The following LRRC4C variants were observed in gnomAD, a reference collection of about 807,000 sequenced individuals.
LRRC4C encodes the protein leucine rich repeat containing 4C.
In LRRC4C, 5 loss-of-function variants were observed where a neutral mutation model predicts 33.6. The ratio of observed to expected loss-of-function variants is 0.15; its 90% CI spans 0.08 to 0.31. The LOEUF (loss-of-function observed/expected upper bound fraction) is 0.31. LRRC4C is among the 10% of genes least tolerant of loss of function. The pLI is 1.00. For missense variants in LRRC4C, 560 were observed against 796.7 expected (o/e 0.70, Z 3.58); for synonymous variants, 329 against 302.0 (o/e 1.09, Z -0.93).
chr11:41,269,594 A>C (rs1343724739), intron 1 of LRRC4C, among the ~76,000 whole-genome samples: 2 of 152,090 alleles, frequency 1.3e-5, no homozygotes, highest in East Asian at 3.9e-4. Flanking sequence ...GTACATGAAG[A>C]GGGAAGATGA....
At chr11:40,853,459 A>G (rs960903180) in intron 2 of LRRC4C, among the ~76,000 whole-genome samples, 6 of 148,968 alleles carry the variant, frequency 4.0e-5, no homozygotes, top group African/African-American at 1.5e-4. Context: ...TTAACTATAA[A>G]TGTATATAAA....
At chr11:40,616,747 C>A (rs1961879851) in intron 3 of LRRC4C, among the ~76,000 whole-genome samples, 1 of 151,748 alleles carries the variant, frequency 6.6e-6, no homozygotes, top group Admixed American at 6.6e-5. Flanking sequence ...ACATCATAAA[C>A]CAGGTCCTGT....
rs140604004 is a variant in LRRC4C, at chr11:40,575,046, G to C, written c.-270+73096C>G. On this transcript the variant is annotated intron_variant, in intron 3 of 6. Transcript: ENST00000528697. ...TCACAGTCAAAGGAGAGCCTCAGCAGGTTCACCCAAAAGATGAGCTCATGC... is the reference window on the plus strand; with the variant it reads ...TCACAGTCAAAGGAGAGCCTCAGCACGTTCACCCAAAAGATGAGCTCATGC... Among the ~76,000 whole-genome samples, 182 of 152,270 alleles carry C rather than the reference G, an allele frequency of 1.2e-3. 2 individuals carry two copies. The highest frequency in any genetic ancestry group is 1.9e-3 in the Non-Finnish European group (132 of 68,024).
At chr11:41,099,345 G>A (rs1368147482) in intron 1 of LRRC4C, among the ~76,000 whole-genome samples, 4 of 149,730 alleles carry the variant, frequency 2.7e-5, no homozygotes, top group Non-Finnish European at 5.9e-5. Flanking sequence ...TACGAGGCCA[G>A]CATCATCCTG....
intron 2 of LRRC4C, among the ~76,000 whole-genome samples, chr11:40,874,463 C>T (rs1182796302): frequency 6.6e-6 from 1 of 152,104 alleles, no homozygotes; most frequent in East Asian, 1.9e-4. Context: ...GCACATATGT[C>T]CTACTTTGGA....
chr11:40,701,749 A>G (rs1220044474), intron 2 of LRRC4C, among the ~76,000 whole-genome samples: 1 of 151,694 alleles, frequency 6.6e-6, no homozygotes, highest in Non-Finnish European at 1.5e-5. Flanking sequence ...AAAATTATCC[A>G]GTATTACAAA....
chr11:40,576,636 C>T (rs532301115), intron 3 of LRRC4C, among the ~76,000 whole-genome samples: 2 of 152,130 alleles, frequency 1.3e-5, no homozygotes, highest in South Asian at 4.2e-4. Context: ...TTATAACAAT[C>T]CCCCTCCATC....
chr11:40,936,672 G>A (rs969973), intron 1 of LRRC4C, among the ~76,000 whole-genome samples: 43,267 of 151,826 alleles, frequency 0.28, 6,262 homozygotes, highest in East Asian at 0.35. Context: ...CATACATCAG[G>A]CACTACATTA....
chr11:40,532,305 G>A (rs577434809), intron 3 of LRRC4C, among the ~76,000 whole-genome samples: 2 of 151,916 alleles, frequency 1.3e-5, no homozygotes, highest in African/African-American at 4.8e-5. Context: ...GAGTAAAATG[G>A]ATCACATGGA....
chr11:40,373,284 T>G (rs1293764870), intron 3 of LRRC4C, among the ~76,000 whole-genome samples: 1 of 152,074 alleles, frequency 6.6e-6, no homozygotes, highest in African/African-American at 2.4e-5. Context: ...ACCCAACAGG[T>G]ACAAGAAACA....
intron 2 of LRRC4C, among the ~76,000 whole-genome samples, chr11:40,899,643 A>G (rs947684096): frequency 1.3e-5 from 2 of 152,162 alleles, no homozygotes; most frequent in African/African-American, 2.4e-5. Context: ...GGAGAGCTTT[A>G]TGTTACAGAG....
At chr11:41,190,435 A>ACATCTCT (rs1945890904) in intron 1 of LRRC4C, among the ~76,000 whole-genome samples, 1 of 152,138 alleles carries the variant, frequency 6.6e-6, no homozygotes, top group East Asian at 1.9e-4. Context: ...TGGATAGAAA[A>ACATCTCT]CATCTCTCGG....
At chr11:41,176,524 A>T (rs573062434) in intron 1 of LRRC4C, among the ~76,000 whole-genome samples, 5 of 152,142 alleles carry the variant, frequency 3.3e-5, no homozygotes, top group Non-Finnish European at 7.4e-5. Flanking sequence ...AGTTCTAGAC[A>T]TGGTATATAT....
intron 1 of LRRC4C, among the ~76,000 whole-genome samples, chr11:41,247,713 T>C (rs1375383526): frequency 6.6e-6 from 1 of 152,198 alleles, no homozygotes; most frequent in East Asian, 1.9e-4. Flanking sequence ...AACAAACCAT[T>C]TTCCAGTAAA....
chr11:40,216,023 T>A (rs1863949456), intron 5 of LRRC4C, among the ~76,000 whole-genome samples: 1 of 152,088 alleles, frequency 6.6e-6, no homozygotes, highest in Middle Eastern at 3.2e-3. Context: ...CTGTATTTTT[T>A]GTGAATCAGT....
chr11:41,198,797 C>T (rs1242722344), intron 1 of LRRC4C, among the ~76,000 whole-genome samples: 1 of 151,964 alleles, frequency 6.6e-6, no homozygotes, highest in Non-Finnish European at 1.5e-5. Flanking sequence ...AGAAGACAAA[C>T]ATGTATTTCA....
intron 3 of LRRC4C, among the ~76,000 whole-genome samples, chr11:40,585,735 T>A (rs1240505676): frequency 7.0e-6 from 1 of 143,108 alleles, no homozygotes; most frequent in African/African-American, 2.5e-5. Context: ...TGGTTTTTTG[T>A]TCTTGCGATA....
intron 1 of LRRC4C, among the ~76,000 whole-genome samples, chr11:41,375,518 C>A (rs1952905440): frequency 6.6e-6 from 1 of 152,120 alleles, no homozygotes; most frequent in Non-Finnish European, 1.5e-5. Flanking sequence ...GCTATGACAG[C>A]TCATTCTGGC....
intron 3 of LRRC4C, among the ~76,000 whole-genome samples, chr11:40,549,857 T>C (rs181963076): frequency 0.013 from 1,915 of 152,046 alleles, 22 homozygotes; most frequent in Non-Finnish European, 0.016. Flanking sequence ...TTGTAGGCTA[T>C]AATTCATTAG....
Sources: gnomAD v4.1 joint callset for allele counts (sites outside exome capture counted in the v4.1 genomes callset) on GRCh38, gnomAD v4.1.1 for gene constraint, MANE v1.5 for transcripts, NCBI Gene and HGNC (gene_info 2026-07-23, HGNC 2026-07-21) for gene names.